Variants in SPAG17 observed in about 807,000 individuals in gnomAD.
SPAG17 encodes sperm-associated antigen 17.
In SPAG17, 169 loss-of-function variants were observed where a neutral mutation model predicts 273.6. The observed-to-expected ratio is 0.62, with a 90% CI of 0.55 to 0.70. The LOEUF is 0.70. SPAG17 is among the 30% of genes least tolerant of loss of function. The probability of loss-of-function intolerance (pLI) is 0.00; values close to 1 mark genes in which losing one functional copy is unlikely to be tolerated. For synonymous variants in SPAG17, 825 were observed against 873.2 expected, an observed-to-expected ratio of 0.94 and a Z score of 0.97; for missense variants, 2,557 against 2,627.8, an observed-to-expected ratio of 0.97 and a Z score of 0.59.
At chr1:118,133,697 C>T (rs894533195) in intron 3 of SPAG17, among the ~76,000 whole-genome samples, 1 of 152,132 alleles carries the variant, frequency 6.6e-6, no homozygotes, top group African/African-American at 2.4e-5. Context: ...TGCAGCTGAG[C>T]CTTTGTTAGA....
chr1:118,108,235 A>C (rs1012725644), intron 4 of SPAG17, among the ~76,000 whole-genome samples: 15 of 152,050 alleles, frequency 9.9e-5, no homozygotes, highest in Non-Finnish European at 1.5e-4. Flanking sequence ...TTGTCCCTTT[A>C]ATTCTGGAGA....
At chr1:117,974,958 C>T (rs1405296425) in intron 43 of SPAG17, among the ~76,000 whole-genome samples, 1 of 152,160 alleles carries the variant, frequency 6.6e-6, no homozygotes, top group African/African-American at 2.4e-5. Flanking sequence ...ATGCAAACTC[C>T]TGCCACACAC....
intron 3 of SPAG17, among the ~76,000 whole-genome samples, chr1:118,142,635 G>C (rs1336213854): frequency 6.6e-6 from 1 of 152,090 alleles, no homozygotes; most frequent in Non-Finnish European, 1.5e-5. Context: ...CAGGTAATAA[G>C]TATTTTATAT....
intron 43 of SPAG17, among the ~76,000 whole-genome samples, chr1:117,978,115 G>C (rs1039575412): frequency 6.6e-6 from 1 of 152,186 alleles, no homozygotes; most frequent in Non-Finnish European, 1.5e-5. Flanking sequence ...ATATCCAGCA[G>C]GCGATTATTT....
At chr1:118,030,397 A>G (rs1648302639) in intron 25 of SPAG17, among the ~76,000 whole-genome samples, 1 of 151,602 alleles carries the variant, frequency 6.6e-6, no homozygotes, top group African/African-American at 2.4e-5. Flanking sequence ...CCGGTCTTTT[A>G]GAACCTTCTT....
chr1:118,008,256 C>T, intron 30 of SPAG17, 58 bp from the exon 31 acceptor site: 1 of 1,578,802 alleles, frequency 6.3e-7, no homozygotes, highest in Non-Finnish European at 8.6e-7. Flanking sequence ...CAAAACAGAC[C>T]TCAGCCTATT....
At chr1:118,052,143 T>C (rs1651124465) in intron 20 of SPAG17, among the ~76,000 whole-genome samples, 1 of 146,432 alleles carries the variant, frequency 6.8e-6, no homozygotes. Context: ...ATAAACTATA[T>C]AATATATACT....
chr1:117,989,299 T>C (rs1176954180), intron 38 of SPAG17, among the ~76,000 whole-genome samples: 1 of 152,116 alleles, frequency 6.6e-6, no homozygotes, highest in Non-Finnish European at 1.5e-5. Flanking sequence ...GGTGCGGTCA[T>C]CTGCTTCTGG....
chr1:118,067,995 C>G (rs929159933), intron 17 of SPAG17, among the ~76,000 whole-genome samples: 2 of 152,136 alleles, frequency 1.3e-5, no homozygotes, highest in Non-Finnish European at 2.9e-5. Flanking sequence ...GCTGCTTATC[C>G]TGTTTCCTTT....
intron 17 of SPAG17, among the ~76,000 whole-genome samples, chr1:118,068,594 C>T (rs774159031): frequency 9.2e-5 from 14 of 152,090 alleles, no homozygotes; most frequent in Non-Finnish European, 1.8e-4. Context: ...GTTTTCATAT[C>T]TTATTTTCCC....
rs927208658 is a variant in SPAG17, at chr1:117,955,602, C to T, written c.*1-1553G>A. On this transcript the variant is annotated intron_variant, in intron 48 of 48. Transcript: ENST00000336338. The stretch of plus-strand genomic sequence containing the variant: ...AAAGGGGAGTGATTTATGTTGTAGG[C>T]GATGAAATAATATATAATTCAATTA... Among the ~76,000 whole-genome samples, 8 of 151,846 alleles carry T rather than the reference C, an allele frequency of 5.3e-5. No homozygotes were observed. In the East Asian group the frequency reaches 1.2e-3, roughly 22 times the overall value.
Position 117,973,544 on chromosome 1 carries a change from G to T in SPAG17, c.6022C>A (p.Pro2008Thr). ...KSPEEAESYE[P>T]VKIPTQSLLQ... is the part of the protein sequence containing the mutation. ...AAGGACTGGGTTGGAATTTTCACGG[G>T]CTCATAAGATTCTGCTTCTGTTAGA... is the stretch of plus-strand genomic sequence containing the variant. Residue 2008 changes from proline to threonine, a missense_variant, in exon 44 of 49, where the codon CCC becomes ACC. Pro to Thr is a conservative substitution (Grantham distance 38). Coordinates refer to ENST00000336338, the MANE Select transcript of SPAG17 (RefSeq NM_206996.4). 6.2e-7 allele frequency: 1 copy of T among 1,613,516 alleles called. No homozygotes were observed.
intron 3 of SPAG17, among the ~76,000 whole-genome samples, chr1:118,135,965 C>A (rs1007282816): frequency 6.6e-6 from 1 of 152,138 alleles, no homozygotes; most frequent in South Asian, 2.1e-4. Flanking sequence ...GGTTCCATTG[C>A]GAGGTACTGT....
chr1:118,066,219 T>C (rs1271899482), intron 18 of SPAG17, among the ~76,000 whole-genome samples: 1 of 152,098 alleles, frequency 6.6e-6, no homozygotes, highest in Non-Finnish European at 1.5e-5. Context: ...AATATCATCA[T>C]ACTTAATGAG....
intron 42 of SPAG17, 139 bp from the exon 43 acceptor site, chr1:117,981,540 C>T (rs143484266): frequency 6.1e-5 from 52 of 848,850 alleles, no homozygotes; most frequent in Admixed American, 5.0e-4. Flanking sequence ...TTTAGAAAGA[C>T]TAAATATAAG....
rs774482208 is a variant in SPAG17, at chr1:118,097,766, A to G, written c.915T>C (p.Asn305=). ...FWKYLEPVLN[N]EKPETNLFDV... Reference sequence around the variant, plus strand: ...CAAAGAGATTTGTTTCAGGTTTCTCATTATTCAGGACTGGTTCCAAGTACT... The same window carrying G: ...CAAAGAGATTTGTTTCAGGTTTCTCGTTATTCAGGACTGGTTCCAAGTACT... The change falls in exon 7 of 49, where the codon AAT becomes AAC. Residue 305 remains asparagine, a synonymous_variant. Transcript: ENST00000336338. The G allele has an allele frequency of 1.2e-6, 2 of 1,610,656 alleles. No homozygotes were observed. The highest frequency in any genetic ancestry group is 1.7e-4 in the Middle Eastern group (1 of 6,052).
chr1:118,149,166 T>G (rs1433487413), intron 3 of SPAG17, among the ~76,000 whole-genome samples: 1 of 152,128 alleles, frequency 6.6e-6, no homozygotes, highest in African/African-American at 2.4e-5. Context: ...ACTGGAAGAA[T>G]GTGGTAGAGC....
chr1:118,020,758 T>C (rs956491297), intron 28 of SPAG17, among the ~76,000 whole-genome samples: 1 of 152,210 alleles, frequency 6.6e-6, no homozygotes, highest in Non-Finnish European at 1.5e-5. Flanking sequence ...TTGTGGACTA[T>C]GGACAAATAA....
At chr1:118,019,169 A>C (rs745991984) in intron 28 of SPAG17, among the ~76,000 whole-genome samples, 1 of 152,124 alleles carries the variant, frequency 6.6e-6, no homozygotes, top group African/African-American at 2.4e-5. Flanking sequence ...GAGCCAGAAG[A>C]AGCAACAGAA....
Sources: gnomAD v4.1 joint callset for allele counts (sites outside exome capture counted in the v4.1 genomes callset) on GRCh38, gnomAD v4.1.1 for gene constraint, MANE v1.5 for transcripts, NCBI Gene and HGNC (gene_info 2026-07-23, HGNC 2026-07-21) for gene names.